Variants in UBE3D observed in about 807,000 individuals in gnomAD.
The protein encoded by UBE3D is ubiquitin protein ligase E3D.
Under a neutral mutation model 49.6 loss-of-function variants are expected in UBE3D, and 48 were observed. The ratio of observed to expected loss-of-function variants is 0.97; its 90% CI spans 0.77 to 1.23. UBE3D has a LOEUF of 1.23. UBE3D is among the 50% of genes most tolerant of loss of function. The probability of loss-of-function intolerance (pLI) is 0.00; values close to 1 mark genes in which losing one functional copy is unlikely to be tolerated. For missense variants in UBE3D, 452 were observed against 468.4 expected (o/e 0.96, Z 0.32); for synonymous variants, 189 against 174.2 (o/e 1.08, Z -0.67).
intron 9 of UBE3D, among the ~76,000 whole-genome samples, chr6:82,955,837 A>G (rs1177634855): frequency 6.6e-6 from 1 of 152,120 alleles, no homozygotes; most frequent in Non-Finnish European, 1.5e-5. Context: ...TTCCTGGCCA[A>G]TTCAATCCAT....
At chr6:83,027,940 A>G (rs1481970257) in intron 5 of UBE3D, among the ~76,000 whole-genome samples, 1 of 151,970 alleles carries the variant, frequency 6.6e-6, no homozygotes, top group Non-Finnish European at 1.5e-5. Context: ...TCTCTCTTCT[A>G]TATTTTTTGC....
At chr6:83,059,136 CTTTGGGAGGCTGA>C (rs1335599715) in intron 1 of UBE3D, among the ~76,000 whole-genome samples, 13 of 152,068 alleles carry the variant, frequency 8.5e-5, no homozygotes, top group Non-Finnish European at 1.6e-4. Context: ...AATCCTAGCA[CTTTGGGAGGCTGA>C]GGTGGGAGGA....
chr6:83,019,190 T>A, intron 7 of UBE3D, 54 bp from the exon 8 acceptor site: 1 of 1,480,890 alleles, frequency 6.8e-7, no homozygotes, highest in South Asian at 1.4e-5. Flanking sequence ...CTTATCCATA[T>A]CTTATGACTT....
chr6:83,045,033 T>G (rs1253117989), intron 3 of UBE3D, among the ~76,000 whole-genome samples: 5 of 152,206 alleles, frequency 3.3e-5, no homozygotes, highest in African/African-American at 9.6e-5. Context: ...CAATATTCTA[T>G]TCCATAAGTA....
intron 9 of UBE3D, among the ~76,000 whole-genome samples, chr6:82,940,687 C>A (rs1774941064): frequency 6.6e-6 from 1 of 152,114 alleles, no homozygotes; most frequent in Admixed American, 6.5e-5. Context: ...TTCTTCCCTA[C>A]CCACTCTCAG....
chr6:82,931,672 T>A (rs1582384446), intron 9 of UBE3D, among the ~76,000 whole-genome samples: 4 of 152,364 alleles, frequency 2.6e-5, no homozygotes, highest in African/African-American at 9.6e-5. Context: ...TTTGGTCAAC[T>A]TCTCTCATTT....
At chr6:82,936,213 C>T (rs1373841354) in intron 9 of UBE3D, among the ~76,000 whole-genome samples, 1 of 152,140 alleles carries the variant, frequency 6.6e-6, no homozygotes, top group African/African-American at 2.4e-5. Context: ...AGTCTAACTA[C>T]ATTAGTGAAA....
chr6:82,987,041 C>T (rs1219605643), intron 8 of UBE3D, among the ~76,000 whole-genome samples: 1 of 151,894 alleles, frequency 6.6e-6, no homozygotes, highest in Non-Finnish European at 1.5e-5. Flanking sequence ...ACCACCTGGG[C>T]TCAAGCTATC....
intron 9 of UBE3D, among the ~76,000 whole-genome samples, chr6:82,951,818 C>T (rs1379684873): frequency 2.6e-5 from 4 of 152,154 alleles, no homozygotes; most frequent in Non-Finnish European, 4.4e-5. Context: ...AAAAGGACGA[C>T]CATCTAGTCT....
intron 9 of UBE3D, among the ~76,000 whole-genome samples, chr6:82,920,631 G>A (rs551351572): frequency 3.3e-5 from 5 of 152,216 alleles, no homozygotes; most frequent in African/African-American, 1.2e-4. Flanking sequence ...TGTGATGGTG[G>A]ATTAAATGAG....
At position 83,002,271 on chromosome 6, in the gene UBE3D, G is replaced by T. The variant is rs111551706; in HGVS notation, c.1010+16702C>A. Among the ~76,000 whole-genome samples, 1,504 of 152,246 alleles carry T rather than the reference G, an allele frequency of 9.9e-3. 23 individuals carry two copies. The highest frequency in any genetic ancestry group is 0.034 in the African/African-American group (1,426 of 41,534). On this transcript the variant is annotated intron_variant, in intron 8 of 9. Transcript: ENST00000369747. Reference sequence around the variant, plus strand: ...AGATGCTGTGGTTTGAATGTTTGTGGCCTCTCCAAAAGTCATTTTGAAACT... The same window carrying T: ...AGATGCTGTGGTTTGAATGTTTGTGTCCTCTCCAAAAGTCATTTTGAAACT...
At chr6:82,973,921 T>G (rs949124108) in intron 8 of UBE3D, among the ~76,000 whole-genome samples, 1 of 152,160 alleles carries the variant, frequency 6.6e-6, no homozygotes, top group Non-Finnish European at 1.5e-5. Flanking sequence ...GGGATCTAGG[T>G]TGCGCACTCC....
At chr6:83,011,209 A>C (rs954982884) in intron 8 of UBE3D, among the ~76,000 whole-genome samples, 5 of 152,232 alleles carry the variant, frequency 3.3e-5, no homozygotes, top group Non-Finnish European at 7.3e-5. Context: ...TAAGATGAAG[A>C]TATTTTCTTA....
chr6:82,931,481 A>T (rs1774148071), intron 9 of UBE3D, among the ~76,000 whole-genome samples: 1 of 152,240 alleles, frequency 6.6e-6, no homozygotes, highest in Non-Finnish European at 1.5e-5. Context: ...AGCAGCCAGG[A>T]GGGGGGCTGT....
chr6:82,924,270 T>C (rs1261807690), intron 9 of UBE3D, among the ~76,000 whole-genome samples: 1 of 152,122 alleles, frequency 6.6e-6, no homozygotes, highest in East Asian at 1.9e-4. Context: ...TACTAACTGA[T>C]AAGAAAAGTT....
chr6:82,925,426 C>T (rs1773675744), intron 9 of UBE3D, among the ~76,000 whole-genome samples: 1 of 152,156 alleles, frequency 6.6e-6, no homozygotes, highest in Admixed American at 6.6e-5. Flanking sequence ...CTTCAACCTT[C>T]CTGTGAAGCC....
chr6:83,051,859 T>C (rs1783491388), intron 3 of UBE3D, among the ~76,000 whole-genome samples: 1 of 152,172 alleles, frequency 6.6e-6, no homozygotes, highest in African/African-American at 2.4e-5. Context: ...CCAGAGTAAC[T>C]CTGTGCCATC....
intron 8 of UBE3D, among the ~76,000 whole-genome samples, chr6:82,971,075 C>T (rs565120215): frequency 2.0e-5 from 3 of 152,080 alleles, no homozygotes; most frequent in Non-Finnish European, 4.4e-5. Flanking sequence ...TTATGGACCC[C>T]TGAGTAAGGA....
rs1345834191 is a variant in UBE3D, at chr6:83,019,115, T to G, written c.868A>C (p.Ser290Arg). The G allele has an allele frequency of 6.2e-7, 1 of 1,613,230 alleles. No individual in the cohort carries two copies. The highest frequency in any genetic ancestry group is 8.5e-7 in the Non-Finnish European group (1 of 1,179,754). ...YILLWLLNSD[S>R]LVIESLRNSK... ...TTTCTCAAAGATTCAATCACCAAACTGTCTGAATTTAAAAGCCATAGCTAA... is the reference window on the plus strand; with the variant it reads ...TTTCTCAAAGATTCAATCACCAAACGGTCTGAATTTAAAAGCCATAGCTAA... The change falls in exon 8 of 10, where the codon AGT becomes CGT. Residue 290 changes from serine to arginine, a missense_variant. Transcript: ENST00000369747.
Sources: allele counts gnomAD v4.1 joint callset (sites outside exome capture counted in the v4.1 genomes callset), GRCh38; gene constraint gnomAD v4.1.1; transcripts MANE v1.5; gene names NCBI Gene and HGNC (gene_info 2026-07-23, HGNC 2026-07-21).